The following CAMTA2 variants were observed in gnomAD, a reference collection of about 807,000 sequenced individuals.
The protein encoded by CAMTA2 is calmodulin-binding transcription activator 2.
Under a neutral mutation model 135.7 loss-of-function variants are expected in CAMTA2, and 56 were observed. The observed-to-expected ratio is 0.41, with a 90% CI of 0.33 to 0.52. The LOEUF (loss-of-function observed/expected upper bound fraction) is 0.52. Among genes scored for constraint, CAMTA2 ranks in the 20% least tolerant of loss-of-function variants. CAMTA2 has a pLI of 0.16. For synonymous variants in CAMTA2, 591 were observed against 604.6 expected, an observed-to-expected ratio of 0.98 and a Z score of 0.33; for missense variants, 1,358 against 1,553.4, an observed-to-expected ratio of 0.87 and a Z score of 2.11.
intron 6 of CAMTA2, 105 bp downstream of exon 6, chr17:4,981,984 C>G (rs988457753): frequency 7.9e-7 from 1 of 1,267,716 alleles, no homozygotes; most frequent in Non-Finnish European, 1.1e-6. Context: ...TTCCCAGGCT[C>G]CTTTCCTCAC....
rs752207372 is a variant in CAMTA2, at chr17:4,980,255, A to C, written c.1067T>G (p.Leu356Trp). 1 of 1,590,772 alleles carries C rather than the reference A, an allele frequency of 6.3e-7. No homozygotes were observed. The highest frequency in any genetic ancestry group is 1.3e-5 in the African/African-American group (1 of 74,524). The part of the protein sequence containing the change: ...PQADPRPSMS[L>W]AVVVGTEPSA... ...AGGCTCAGTGCCTACAACCACTGCCAAACTCATGGAAGGCCTAGGATCAGC... is the reference window on the plus strand; with the variant it reads ...AGGCTCAGTGCCTACAACCACTGCCCAACTCATGGAAGGCCTAGGATCAGC... Residue 356 changes from leucine to tryptophan, a missense_variant, in exon 9 of 23, where the codon TTG becomes TGG. Physicochemically the swap from Leu to Trp is moderately conservative, Grantham distance 61 (BLOSUM62 -2). This residue lies in a region of CAMTA2 where 1,077 missense variants were observed against 1,127.5 expected (regional missense o/e 0.96). Transcript: ENST00000348066. This position sits in a 1 kb window ranked among gnomAD's most constrained non-coding sequence, Gnocchi z 5.3.
At chr17:4,986,918 C>T (rs1973372296) in intron 1 of CAMTA2, 3 of 1,491,744 alleles carry the variant, frequency 2.0e-6, no homozygotes, top group Non-Finnish European at 2.7e-6. Context: ...TCTCCCCAAA[C>T]GCCTCTGCCT....
intron 16 of CAMTA2, among the ~76,000 whole-genome samples, chr17:4,971,778 T>G (rs1299667255): frequency 3.4e-5 from 5 of 147,918 alleles, no homozygotes; most frequent in African/African-American, 1.3e-4. Context: ...AGCCTGTGCC[T>G]CCTGGGTTCA....
At position 4,973,548 on chromosome 17, in the gene CAMTA2, G is replaced by A. The variant is rs115982547; in HGVS notation, c.2201+37C>T. On this transcript the variant is annotated intron_variant, in intron 13 of 22. Coordinates refer to ENST00000348066, the MANE Select transcript of CAMTA2 (RefSeq NM_015099.4). ...TCAGTCCCCTGACACTTCTGTCCCAGAGGCTGCCCAGCCCTCACCCAGCTG... is the reference window on the plus strand; with the variant it reads ...TCAGTCCCCTGACACTTCTGTCCCAAAGGCTGCCCAGCCCTCACCCAGCTG... The A allele has an allele frequency of 1.8e-3, 2,777 of 1,578,878 alleles. 42 individuals are homozygous for A. The African/African-American group carries it at 0.032, about 18-fold the overall frequency.
chr17:4,968,146 C>A lies in CAMTA2; in HGVS notation c.*610G>T. On this transcript the variant is annotated 3_prime_UTR_variant, in exon 23 of 23. Transcript: ENST00000348066. ...CCCGCGGCGCCTTAAATAGATTCTT[C>A]ACTATACTCTGTATGTTACAGTATG... 1 of 395,316 alleles carries A rather than the reference C, an allele frequency of 2.5e-6. No homozygotes were observed. Among genetic ancestry groups the A allele is most frequent in the Non-Finnish European group, 4.7e-6 (1 of 213,754 alleles). The allele number at this position is 395,316 out of a possible 1,614,324, so 24.5% of individuals were successfully genotyped here. A position where few individuals can be genotyped will look rare whatever the true frequency, so the allele number is the denominator to read the frequency against.
intron 11 of CAMTA2, among the ~76,000 whole-genome samples, chr17:4,975,369 G>A (rs886670246): frequency 6.6e-6 from 1 of 152,046 alleles, no homozygotes; most frequent in Non-Finnish European, 1.5e-5. Context: ...GGACAAAGGA[G>A]GGCTGGGGGA....
At position 4,987,637 on chromosome 17, in the gene CAMTA2, C is replaced by T. The variant is rs118153295; in HGVS notation, c.-109G>A. On this transcript the variant is annotated 5_prime_UTR_variant, in exon 1 of 23. Transcript: ENST00000348066. Reference sequence around the variant, plus strand: ...GACGGCGGCAGCGGCCATTCTACCCCACACCGACCCCCCCCAGCGCCGGCT... The same window carrying T: ...GACGGCGGCAGCGGCCATTCTACCCTACACCGACCCCCCCCAGCGCCGGCT... 1 of 1,524,482 alleles carries T rather than the reference C, an allele frequency of 6.6e-7. No individual in the cohort carries two copies. Among genetic ancestry groups the T allele is most frequent in the African/African-American group, 1.4e-5 (1 of 71,584 alleles). The allele number at this position is 1,524,482 out of a possible 1,614,324, so 94.4% of individuals were successfully genotyped here. A position where few individuals can be genotyped will look rare whatever the true frequency, so the allele number is the denominator to read the frequency against.
chr17:4,971,069 C>T (rs1330969195), intron 16 of CAMTA2, among the ~76,000 whole-genome samples: 1 of 152,222 alleles, frequency 6.6e-6, no homozygotes, highest in African/African-American at 2.4e-5. Context: ...AAAGTGCCAC[C>T]CACTTACTCC....
At position 4,979,943 on chromosome 17, in the gene CAMTA2, G is replaced by A. The variant is rs1461944454; in HGVS notation, c.1379C>T (p.Pro460Leu). The part of the protein sequence containing the change: ...GEELKGHGAA[P>L]PIPSPPPSPP... ...TGAGGGAGGGGGTGAAGGTATGGGT[G>A]GGGCAGCCCCGTGACCCTTGAGCTC... Residue 460 changes from proline (P) to leucine (L), a missense_variant, in exon 9 of 23, where the codon CCA becomes CTA. Around this residue, in one of 4 missense-constraint regions of CAMTA2, gnomAD observed 1,077 missense variants for 1,127.5 expected, o/e 0.96. Coordinates refer to ENST00000348066, the MANE Select transcript of CAMTA2 (RefSeq NM_015099.4). 6.2e-7 allele frequency: 1 copy of A among 1,613,078 alleles called. No individual in the cohort carries two copies. The highest frequency in any genetic ancestry group is 8.5e-7 in the Non-Finnish European group (1 of 1,179,802).
chr17:4,981,036 AG>A (rs1972927598), intron 8 of CAMTA2, among the ~76,000 whole-genome samples, 188 bp downstream of exon 8: 1 of 152,186 alleles, frequency 6.6e-6, no homozygotes. Context: ...ATGACAGCTG[AG>A]TGCAAGGCTG....
chr17:4,985,754 T>TCCCC (rs1220142913), intron 3 of CAMTA2, 126 bp downstream of exon 3: 4 of 678,578 alleles, frequency 5.9e-6, no homozygotes, highest in Non-Finnish European at 1.1e-5. Flanking sequence ...TCTCCTAGGA[T>TCCCC]CCCCAAAGAG....
At chr17:4,983,116 T>C (rs1973065501) in intron 3 of CAMTA2, 73 bp from the exon 4 acceptor site, 35 of 1,272,832 alleles carry the variant, frequency 2.7e-5, no homozygotes, top group Non-Finnish European at 4.0e-5. Flanking sequence ...GGTCATCCTG[T>C]CAGTGTCTCA....
Position 4,981,462 on chromosome 17 carries a change from A to G in CAMTA2, c.566-103T>C, listed in dbSNP as rs1435022374. ...CTGACATGCTTCAAGACTTCTGGCC[A>G]GGTGAACAGAGGCCAGCAGCCTCAA... is the stretch of plus-strand genomic sequence containing the variant. On this transcript the variant is annotated intron_variant, in intron 7 of 22. Transcript: ENST00000348066. The G allele has an allele frequency of 8.8e-6, 13 of 1,475,134 alleles. 1 individual carries two copies. In the South Asian group the frequency reaches 1.4e-4, roughly 16 times the overall value. 91.4% of individuals were successfully genotyped at this position (1,475,134 alleles called of 1,614,324 possible).
chr17:4,987,273 C>CGAGGTGG, intron 1 of CAMTA2: 1 of 1,341,144 alleles, frequency 7.5e-7, no homozygotes, highest in Non-Finnish European at 9.5e-7. Flanking sequence ...GGAGAACCTC[C>CGAGGTGG]GAGGTGGGAG....
intron 5 of CAMTA2, 137 bp from the exon 6 acceptor site, chr17:4,982,297 C>G (rs949533480): frequency 1.5e-6 from 1 of 656,266 alleles, no homozygotes; most frequent in African/African-American, 1.8e-5. Flanking sequence ...CCCACCTATT[C>G]CCCACCCCTT....
rs768982958 is a variant in CAMTA2, at chr17:4,972,870, C to T, written c.2402G>A (p.Gly801Asp). The T allele has an allele frequency of 1.1e-5, 18 of 1,613,906 alleles. No individual in the cohort carries two copies. In the South Asian group the frequency reaches 2.0e-4, roughly 18 times the overall value. Residue 801 changes from glycine to aspartate, a missense_variant, in exon 15 of 23, where the codon GGT becomes GAT. Gly to Asp is a moderately conservative substitution (Grantham distance 94). Transcript: ENST00000348066. ...RLPLSVAHSRGHVRLARCLEE... is the reference protein window; with the variant it reads ...RLPLSVAHSRDHVRLARCLEE... ...AAGGCAGCGGGCAAGGCGCACATGA[C>T]CCCGGGAATGAGCCACAGACAATGG...
Position 4,980,722 on chromosome 17 carries a change from A to AAT in CAMTA2, c.701-102_701-101insAT. The AAT allele has an allele frequency of 4.5e-6, 4 of 891,454 alleles. No individual in the cohort carries two copies. Among genetic ancestry groups the AAT allele is most frequent in the Non-Finnish European group, 7.3e-6 (4 of 549,550 alleles). The allele number at this position is 891,454 out of a possible 1,614,324, so 55.2% of individuals were successfully genotyped here. A position where few individuals can be genotyped will look rare whatever the true frequency, so the allele number is the denominator to read the frequency against. ...AAGTATTTCCTGGGACGTCCCTATA[A>AAT]ACCAGAGGTGTAATACTGATTGTAG... On this transcript the variant is annotated intron_variant, in intron 8 of 22. Transcript: ENST00000348066. This position sits in a 1 kb window ranked among gnomAD's most constrained non-coding sequence, Gnocchi z 5.3.
chr17:4,973,360 G>C, intron 13 of CAMTA2, 107 bp from the exon 14 acceptor site: 2 of 966,474 alleles, frequency 2.1e-6, no homozygotes, highest in Non-Finnish European at 3.3e-6. Flanking sequence ...AGGGCCGGTG[G>C]GAAGAGGCAG....
rs781352892 is a variant in CAMTA2 at position 4,969,469 on chromosome 17, A to G, written c.3282+31T>C. The G allele has an allele frequency of 6.2e-7, 1 of 1,613,416 alleles. No individual in the cohort carries two copies. Among genetic ancestry groups the G allele is most frequent in the African/African-American group, 1.3e-5 (1 of 74,906 alleles). On this transcript the variant is annotated intron_variant, in intron 20 of 22. Transcript: ENST00000348066. This position sits in a 1 kb window ranked among gnomAD's most constrained non-coding sequence, Gnocchi z 5.6. Reference sequence around the variant, plus strand: ...ACTCAAGGAAAGACTGAATCATCACAGACCTCACACTCAGAGCTCATGCCT... The same window carrying G: ...ACTCAAGGAAAGACTGAATCATCACGGACCTCACACTCAGAGCTCATGCCT...
Sources: allele counts gnomAD v4.1 joint callset (sites outside exome capture counted in the v4.1 genomes callset), GRCh38; gene constraint gnomAD v4.1.1; regional missense constraint gnomAD v4.1.1; non-coding constraint Gnocchi (gnomAD v3.1); transcripts MANE v1.5; gene names NCBI Gene and HGNC (gene_info 2026-07-23, HGNC 2026-07-21).